ENPP2: variants seen among roughly 807,000 people sequenced by gnomAD.
The protein encoded by ENPP2 is ectonucleotide pyrophosphatase/phosphodiesterase 2, also known as autotaxin.
ENPP2 carries 51 observed loss-of-function variants against 120.2 expected under a neutral mutation model. The observed-to-expected ratio is 0.42, with a 90% CI of 0.34 to 0.54. ENPP2 has a LOEUF of 0.54. ENPP2 is among the 20% of genes least tolerant of loss of function. ENPP2 has a pLI of 0.04. For synonymous variants in ENPP2, 365 were observed against 366.4 expected (o/e 1.00, Z 0.04); for missense variants, 920 against 1,066.5 (o/e 0.86, Z 1.91).
intron 2 of ENPP2, among the ~76,000 whole-genome samples, chr8:119,633,232 A>C (rs781072194): frequency 1.3e-5 from 2 of 152,192 alleles, no homozygotes; most frequent in Non-Finnish European, 2.9e-5. Flanking sequence ...GTAAAGATGC[A>C]AATACTCAAA....
intron 19 of ENPP2, among the ~76,000 whole-genome samples, chr8:119,576,516 A>C (rs1410980335): frequency 1.3e-5 from 2 of 152,192 alleles, no homozygotes; most frequent in Admixed American, 1.3e-4. Flanking sequence ...ATAGGTGTTA[A>C]AATTATTTTT....
intron 24 of ENPP2, among the ~76,000 whole-genome samples, chr8:119,561,874 C>A (rs1157923116): frequency 6.6e-6 from 1 of 152,092 alleles, no homozygotes; most frequent in Non-Finnish European, 1.5e-5. Context: ...TGCAGTGGCT[C>A]ACGCCTGTAA....
intron 9 of ENPP2, among the ~76,000 whole-genome samples, chr8:119,604,119 C>T (rs2130593626): frequency 6.6e-6 from 1 of 151,882 alleles, no homozygotes; most frequent in South Asian, 2.1e-4. Context: ...CCTCCACCTC[C>T]CCGGTTCAAG....
chr8:119,656,163 T>C (rs1817760806), intron 1 of ENPP2, among the ~76,000 whole-genome samples: 2 of 152,328 alleles, frequency 1.3e-5, no homozygotes, highest in South Asian at 4.1e-4. Flanking sequence ...TTGCAAAAGA[T>C]GATGTTTTTC....
intron 24 of ENPP2, among the ~76,000 whole-genome samples, chr8:119,558,824 A>G (rs1263748120): frequency 2.0e-5 from 3 of 152,074 alleles, no homozygotes; most frequent in Non-Finnish European, 4.4e-5. Flanking sequence ...AGGTCTGGGA[A>G]TATTCAGACA....
chr8:119,593,084 C>G (rs1408632895), intron 12 of ENPP2: 10 of 226,674 alleles, frequency 4.4e-5, no homozygotes, highest in Admixed American at 2.0e-4. Flanking sequence ...GAGCCCCCAC[C>G]CCCTGCACAG....
At chr8:119,568,143 A>G (rs1382897173) in intron 22 of ENPP2, 32 bp downstream of exon 22, 3 of 1,095,404 alleles carry the variant, frequency 2.7e-6, no homozygotes, top group Non-Finnish European at 1.4e-6. Flanking sequence ...ATTTTCATAA[A>G]TAACAGTGTA....
chr8:119,654,825 A>C (rs1332955590), intron 1 of ENPP2, among the ~76,000 whole-genome samples: 1 of 152,176 alleles, frequency 6.6e-6, no homozygotes, highest in Non-Finnish European at 1.5e-5. Context: ...TGGCTATACA[A>C]CATCTAAGCT....
intron 24 of ENPP2, among the ~76,000 whole-genome samples, chr8:119,561,653 G>A (rs1045201841): frequency 1.3e-5 from 2 of 152,132 alleles, no homozygotes; most frequent in Non-Finnish European, 2.9e-5. Context: ...CTGCATCCTA[G>A]CTGTCTCCCC....
intron 22 of ENPP2, among the ~76,000 whole-genome samples, chr8:119,565,699 C>T (rs923423962): frequency 2.9e-5 from 4 of 139,448 alleles, no homozygotes; most frequent in Non-Finnish European, 4.6e-5. Flanking sequence ...CTTTTCACTG[C>T]TCTATCCTGG....
Position 119,601,507 on chromosome 8 carries a change from C to T in ENPP2, c.834-45G>A, listed in dbSNP as rs2289888. The T allele has an allele frequency of 0.48, 729,373 of 1,512,032 alleles. 179,853 individuals carry two copies. The highest frequency in any genetic ancestry group is 0.7 in the South Asian group (62,237 of 88,602). 93.7% of individuals were successfully genotyped at this position (1,512,032 alleles called of 1,614,324 possible). A position where few individuals can be genotyped will look rare whatever the true frequency, so the allele number is the denominator to read the frequency against. Reference sequence around the variant, plus strand: ...AAAGCATGTTGTTAGGTTTCATTTCCGCAAACTCAAGCCTGAGGAGTGCTC... The same window carrying T: ...AAAGCATGTTGTTAGGTTTCATTTCTGCAAACTCAAGCCTGAGGAGTGCTC... On this transcript the variant is annotated intron_variant, in intron 9 of 24. Coordinates refer to ENST00000075322, the MANE Select transcript of ENPP2 (RefSeq NM_001040092.3).
intron 8 of ENPP2, among the ~76,000 whole-genome samples, chr8:119,609,812 G>A (rs1428567804): frequency 1.3e-5 from 2 of 152,118 alleles, no homozygotes; most frequent in African/African-American, 4.8e-5. Flanking sequence ...ATTGTACTAG[G>A]CAATACTTGG....
At chr8:119,631,472 T>G (rs959309177) in intron 2 of ENPP2, among the ~76,000 whole-genome samples, 27 of 152,090 alleles carry the variant, frequency 1.8e-4, no homozygotes, top group African/African-American at 6.5e-4. Flanking sequence ...CACCTTGGCC[T>G]TCCAAAGTGC....
intron 1 of ENPP2, among the ~76,000 whole-genome samples, chr8:119,649,427 A>AAAAGT (rs1368064600): frequency 2.0e-5 from 3 of 151,838 alleles, no homozygotes; most frequent in African/African-American, 4.8e-5. Flanking sequence ...AAAAGAAAAG[A>AAAAGT]AAAGAAAATT....
In ENPP2 at chr8:119,638,813, GTTCTC is replaced by G; in HGVS notation, c.-38_-34del. 3.1e-6 allele frequency: 5 copies of G among 1,613,844 alleles called. 1 individual carries two copies. The South Asian group carries it at 5.5e-5, about 18-fold the overall frequency. ...ATTCTTGGAAAGCCTTTTGCAGCGT[GTTCTC>G]TTTGCCTTCACGGAGTGCACTGCTT... On this transcript the variant is annotated 5_prime_UTR_variant, in exon 1 of 25. Transcript: ENST00000075322.
At chr8:119,621,291 C>A (rs1815876115) in intron 4 of ENPP2, 103 bp downstream of exon 4, 2 of 1,011,240 alleles carry the variant, frequency 2.0e-6, no homozygotes, top group Admixed American at 1.9e-5. Context: ...TCCTTCCTCC[C>A]AAACTCATAT....
chr8:119,645,646 A>T (rs2130861351), intron 1 of ENPP2, among the ~76,000 whole-genome samples: 1 of 151,692 alleles, frequency 6.6e-6, no homozygotes, highest in African/African-American at 2.4e-5. Context: ...ACATGGAGAA[A>T]CCCCATCTCT....
At chr8:119,614,486 G>A (rs1192406756) in intron 8 of ENPP2, among the ~76,000 whole-genome samples, 1 of 152,154 alleles carries the variant, frequency 6.6e-6, no homozygotes, top group Non-Finnish European at 1.5e-5. Flanking sequence ...TCAACTTTGG[G>A]AGTTAGTGAG....
rs780785447 is a variant in ENPP2, at chr8:119,638,810, C to A, written c.-30G>T. On this transcript the variant is annotated 5_prime_UTR_variant, in exon 1 of 25. Coordinates refer to ENST00000075322, the MANE Select transcript of ENPP2 (RefSeq NM_001040092.3). ...AGGATTCTTGGAAAGCCTTTTGCAG[C>A]GTGTTCTCTTTGCCTTCACGGAGTG... 1.2e-6 allele frequency: 2 copies of A among 1,613,828 alleles called. No homozygotes were observed. Among genetic ancestry groups the A allele is most frequent in the African/African-American group, 2.7e-5 (2 of 74,932 alleles).
Sources: gnomAD v4.1 joint callset for allele counts (sites outside exome capture counted in the v4.1 genomes callset) on GRCh38, gnomAD v4.1.1 for gene constraint, MANE v1.5 for transcripts, NCBI Gene and HGNC (gene_info 2026-07-23, HGNC 2026-07-21) for gene names.